FSIP1: variants seen among roughly 807,000 people sequenced by gnomAD.
FSIP1 encodes fibrous sheath-interacting protein 1.
FSIP1 carries 65 observed loss-of-function variants against 60.9 expected under a neutral mutation model. The ratio of observed to expected loss-of-function variants is 1.07; its 90% CI spans 0.87 to 1.31. The LOEUF is 1.31. FSIP1 is among the 40% of genes most tolerant of loss of function. FSIP1 has a pLI of 0.00. For missense variants in FSIP1, 675 were observed against 665.5 expected (o/e 1.01, Z -0.16); for synonymous variants, 209 against 221.2 (o/e 0.94, Z 0.49).
At chr15:39,654,137 A>C (rs1478536571) in intron 10 of FSIP1, among the ~76,000 whole-genome samples, 1 of 152,222 alleles carries the variant, frequency 6.6e-6, no homozygotes, top group Non-Finnish European at 1.5e-5. Context: ...GAACTGCTCG[A>C]GGTTGCTTTG....
chr15:39,711,676 CTTTTTTTTTTTTTT>C (rs66840718), intron 10 of FSIP1, among the ~76,000 whole-genome samples: 2 of 85,734 alleles, frequency 2.3e-5, no homozygotes. Context: ...ATTCCTACTT[CTTTTTTTTTTTTTT>C]TTTTTTTTTT....
Position 39,617,789 on chromosome 15 carries a change from G to A in FSIP1, c.1645C>T (p.Leu549Phe), listed in dbSNP as rs759738449. The A allele has an allele frequency of 5.0e-6, 8 of 1,613,998 alleles. No homozygotes were observed. The East Asian group carries it at 8.9e-5, about 18-fold the overall frequency. The change falls in exon 11 of 12, where the codon CTT (leucine) becomes TTT (phenylalanine). Residue 549 changes from leucine to phenylalanine, a missense_variant. Coordinates refer to ENST00000350221, the MANE Select transcript of FSIP1 (RefSeq NM_152597.5). Reference sequence around the variant, plus strand: ...TTCAGATGTTGGTCTTCTGATGAAAGGCTCACACTGATACCATACAGTGGA... The same window carrying A: ...TTCAGATGTTGGTCTTCTGATGAAAAGCTCACACTGATACCATACAGTGGA... Reference protein sequence around the residue: ...DDPLYGISVSLSSEDQHLKLS... With the variant: ...DDPLYGISVSFSSEDQHLKLS...
chr15:39,779,305 C>G (rs1027322274), intron 1 of FSIP1, among the ~76,000 whole-genome samples: 7 of 150,346 alleles, frequency 4.7e-5, no homozygotes, highest in Admixed American at 2.0e-4. Context: ...CACAAAGGGA[C>G]CTGAAAGATG....
chr15:39,737,156 A>G (rs1222328212), intron 8 of FSIP1, among the ~76,000 whole-genome samples: 1 of 152,190 alleles, frequency 6.6e-6, no homozygotes, highest in East Asian at 1.9e-4. Context: ...TCTTCACAGA[A>G]GCAAAGGATA....
intron 10 of FSIP1, among the ~76,000 whole-genome samples, chr15:39,638,802 G>A (rs973330340): frequency 3.4e-5 from 5 of 148,786 alleles, no homozygotes; most frequent in Non-Finnish European, 7.4e-5. Flanking sequence ...ACATGTGGGT[G>A]CGTGTGTGGG....
chr15:39,734,334 A>T (rs936886625), intron 8 of FSIP1, among the ~76,000 whole-genome samples: 3 of 152,256 alleles, frequency 2.0e-5, no homozygotes, highest in African/African-American at 7.2e-5. Context: ...GATTTATACA[A>T]ATAAATAATT....
chr15:39,617,649 A>G, intron 11 of FSIP1, 86 bp downstream of exon 11: 1 of 1,152,828 alleles, frequency 8.7e-7, no homozygotes, highest in South Asian at 1.5e-5. Context: ...ATACCTTCTT[A>G]CCCGACTCTA....
intron 11 of FSIP1, among the ~76,000 whole-genome samples, chr15:39,604,134 T>G (rs1890740214): frequency 6.6e-6 from 1 of 152,256 alleles, no homozygotes; most frequent in Non-Finnish European, 1.5e-5. Context: ...TTTCTCCGTG[T>G]TGGTTAGGCT....
At chr15:39,727,209 A>G (rs1896233916) in intron 8 of FSIP1, among the ~76,000 whole-genome samples, 1 of 152,222 alleles carries the variant, frequency 6.6e-6, no homozygotes, top group African/African-American at 2.4e-5. Flanking sequence ...CATTCAACTA[A>G]TGTTTGTTCC....
intron 9 of FSIP1, among the ~76,000 whole-genome samples, chr15:39,724,153 G>A (rs1284048758): frequency 6.6e-6 from 1 of 151,712 alleles, no homozygotes; most frequent in Admixed American, 6.6e-5. Context: ...TAAGGTACTG[G>A]TTTTCCCTTT....
At chr15:39,664,488 G>T (rs1255753544) in intron 10 of FSIP1, among the ~76,000 whole-genome samples, 1 of 152,100 alleles carries the variant, frequency 6.6e-6, no homozygotes. Context: ...TCAACCTGTA[G>T]CCAAGGAGCT....
At position 39,622,285 on chromosome 15, in the gene FSIP1, C is replaced by T. The variant is rs141856600; in HGVS notation, c.1189-4040G>A. On this transcript the variant is annotated intron_variant, in intron 10 of 11. Transcript: ENST00000350221. The stretch of plus-strand genomic sequence containing the variant: ...CTTCATAAAACTCAACATAGTGCAT[C>T]TCAGTCCTCATTTTTCCAGGCCAGA... 1.4e-3 allele frequency among the ~76,000 whole-genome samples: 207 copies of T among 152,316 alleles called. 1 individual carries two copies. Among genetic ancestry groups the T allele is most frequent in the African/African-American group, 4.9e-3 (203 of 41,574 alleles).
chr15:39,740,797 G>A (rs913683995), intron 6 of FSIP1, among the ~76,000 whole-genome samples: 10 of 152,090 alleles, frequency 6.6e-5, no homozygotes, highest in African/African-American at 2.4e-4. Flanking sequence ...TGGAAAGAAC[G>A]AGAGAAAGAG....
At chr15:39,652,747 T>C (rs974616758) in intron 10 of FSIP1, among the ~76,000 whole-genome samples, 5 of 152,206 alleles carry the variant, frequency 3.3e-5, no homozygotes, top group Admixed American at 6.5e-5. Flanking sequence ...ACCTAGGCTA[T>C]ATGGTATGGC....
intron 11 of FSIP1, among the ~76,000 whole-genome samples, chr15:39,617,245 T>G (rs559666436): frequency 6.6e-6 from 1 of 152,140 alleles, no homozygotes; most frequent in African/African-American, 2.4e-5. Flanking sequence ...ACCATGACCA[T>G]TGCAAGATGA....
At chr15:39,737,865 C>T (rs35273063) in intron 8 of FSIP1, among the ~76,000 whole-genome samples, 40,473 of 151,924 alleles carry the variant, frequency 0.27, 6,246 homozygotes, top group Non-Finnish European at 0.36. Flanking sequence ...TGTCGCTCCC[C>T]TCTATGAGTC....
At chr15:39,599,641 C>T (rs982814372), downstream of FSIP1, among the ~76,000 whole-genome samples, 2 of 151,944 alleles carry the variant, frequency 1.3e-5, no homozygotes, top group African/African-American at 4.8e-5. Flanking sequence ...ACGGACAACA[C>T]TGGCCCCTCT....
intron 4 of FSIP1, among the ~76,000 whole-genome samples, chr15:39,764,742 T>C (rs1268986785): frequency 1.3e-5 from 2 of 152,180 alleles, no homozygotes; most frequent in East Asian, 3.9e-4. Context: ...AAATGAAGTA[T>C]GGTCCCAGAC....
chr15:39,775,603 A>C (rs923765413), intron 2 of FSIP1, among the ~76,000 whole-genome samples: 1 of 152,176 alleles, frequency 6.6e-6, no homozygotes, highest in Non-Finnish European at 1.5e-5. Context: ...TGTAATTCCC[A>C]GTGTCGGAGG....
Sources: gnomAD v4.1 joint callset for allele counts (sites outside exome capture counted in the v4.1 genomes callset) on GRCh38, gnomAD v4.1.1 for gene constraint, MANE v1.5 for transcripts, NCBI Gene and HGNC (gene_info 2026-07-23, HGNC 2026-07-21) for gene names.